Variants in MAP2K4 observed in about 807,000 individuals in gnomAD.
The protein encoded by MAP2K4 is dual specificity mitogen-activated protein kinase kinase 4.
A neutral mutation model predicts 48.5 loss-of-function variants in MAP2K4; 4 were observed. The observed-to-expected ratio is 0.08, with a 90% CI of 0.04 to 0.19. The LOEUF is 0.19. Among genes scored for constraint, MAP2K4 ranks in the 10% least tolerant of loss-of-function variants. MAP2K4 has a pLI of 1.00. For synonymous variants in MAP2K4, 166 were observed against 173.1 expected (o/e 0.96, Z 0.32); for missense variants, 258 against 493.3 (o/e 0.52, Z 4.52).
intron 3 of MAP2K4, among the ~76,000 whole-genome samples, chr17:12,091,850 T>G (rs1971573896): frequency 6.6e-6 from 1 of 152,208 alleles, no homozygotes; most frequent in African/African-American, 2.4e-5. Flanking sequence ...TAATTTTTGT[T>G]TTGATTTTCA....
At chr17:12,071,692 C>T (rs1441083429) in intron 2 of MAP2K4, among the ~76,000 whole-genome samples, 1 of 152,012 alleles carries the variant, frequency 6.6e-6, no homozygotes, top group Non-Finnish European at 1.5e-5. Context: ...AATTACGGCA[C>T]TGGGAAATAT....
intron 2 of MAP2K4, among the ~76,000 whole-genome samples, chr17:12,080,072 A>T (rs1335768575): frequency 7.9e-5 from 12 of 152,240 alleles, no homozygotes. Flanking sequence ...GACCAAGTGT[A>T]TGAATCTTTG....
chr17:12,093,661 T>C (rs754041451), intron 3 of MAP2K4, among the ~76,000 whole-genome samples: 2 of 152,116 alleles, frequency 1.3e-5, no homozygotes, highest in Non-Finnish European at 2.9e-5. Flanking sequence ...TTCATACTAG[T>C]AAAAATAGAA....
At chr17:12,069,490 TTGTA>T (rs1248628472) in intron 2 of MAP2K4, among the ~76,000 whole-genome samples, 3 of 152,208 alleles carry the variant, frequency 2.0e-5, no homozygotes, top group Non-Finnish European at 2.9e-5. Context: ...AAACATTTCT[TTGTA>T]TGTCATAAAT....
intron 7 of MAP2K4, among the ~76,000 whole-genome samples, chr17:12,115,201 T>C (rs888556193): frequency 6.6e-6 from 1 of 152,240 alleles, no homozygotes; most frequent in Non-Finnish European, 1.5e-5. Context: ...TAAATTTTCC[T>C]GTAAACCGAT....
At chr17:12,049,536 A>T (rs1189168817) in intron 1 of MAP2K4, among the ~76,000 whole-genome samples, 1 of 152,116 alleles carries the variant, frequency 6.6e-6, no homozygotes, top group Non-Finnish European at 1.5e-5. Context: ...GCTTGCTTAT[A>T]TGTATTTAGT....
At chr17:12,139,806 C>T (rs1016774087) in intron 9 of MAP2K4, 33 bp from the exon 10 acceptor site, 3 of 1,447,188 alleles carry the variant, frequency 2.1e-6, no homozygotes, top group Admixed American at 1.8e-5. Flanking sequence ...AATGAATCTA[C>T]ATTTTAATAA....
intron 1 of MAP2K4, among the ~76,000 whole-genome samples, chr17:12,050,924 T>C (rs1970121903): frequency 6.6e-6 from 1 of 152,132 alleles, no homozygotes; most frequent in South Asian, 2.1e-4. Context: ...GATTCCATGT[T>C]TGGGAGTGCT....
At chr17:12,044,551 T>A (rs1969897606) in intron 1 of MAP2K4, among the ~76,000 whole-genome samples, 1 of 152,210 alleles carries the variant, frequency 6.6e-6, no homozygotes, top group Non-Finnish European at 1.5e-5. Flanking sequence ...AAGGAAAAAC[T>A]CAAACTTTTT....
At chr17:12,109,671 G>C (rs1016315831) in intron 5 of MAP2K4, among the ~76,000 whole-genome samples, 7 of 152,164 alleles carry the variant, frequency 4.6e-5, no homozygotes, top group African/African-American at 1.7e-4. Flanking sequence ...CACCTTGAAG[G>C]CTTAGCATCC....
chr17:12,088,799 A>G (rs555771569), intron 3 of MAP2K4, among the ~76,000 whole-genome samples: 1 of 151,244 alleles, frequency 6.6e-6, no homozygotes, highest in Admixed American at 6.6e-5. Context: ...AAGGTGGACA[A>G]CTGTCATCAT....
At chr17:12,089,299 C>A (rs1290081234) in intron 3 of MAP2K4, among the ~76,000 whole-genome samples, 1 of 152,130 alleles carries the variant, frequency 6.6e-6, no homozygotes, top group Non-Finnish European at 1.5e-5. Flanking sequence ...TGGGTTTTAG[C>A]TAACCTAGTT....
chr17:12,103,523 A>G (rs963815374), intron 4 of MAP2K4, among the ~76,000 whole-genome samples: 1 of 152,078 alleles, frequency 6.6e-6, no homozygotes, highest in Non-Finnish European at 1.5e-5. Context: ...AACATAGACT[A>G]AATTACAGAG....
rs991060540 is a variant in MAP2K4 at position 12,142,723 on chromosome 17, T to A, written c.*1463T>A. On this transcript the variant is annotated 3_prime_UTR_variant, in exon 11 of 11. Transcript: ENST00000353533. ...AGCAAAACAAAACCCTCAGCACTGT[T>A]ACAAGAGGCCATTTAAGTATCTTGT... 1.3e-5 allele frequency: 3 copies of A among 233,056 alleles called. No homozygotes were observed. Among genetic ancestry groups the A allele is most frequent in the Admixed American group, 5.6e-5 (1 of 17,796 alleles). 14.4% of individuals were successfully genotyped at this position (233,056 alleles called of 1,614,324 possible).
intron 2 of MAP2K4, among the ~76,000 whole-genome samples, chr17:12,080,843 T>C (rs1266145828): frequency 2.0e-5 from 3 of 152,172 alleles, no homozygotes; most frequent in South Asian, 4.1e-4. Context: ...TACCTGGGCA[T>C]TGAGATTTTT....
intron 3 of MAP2K4, among the ~76,000 whole-genome samples, chr17:12,086,856 G>GTTTTA (rs1323571945): frequency 1.6e-4 from 19 of 115,928 alleles, no homozygotes; most frequent in African/African-American, 5.3e-4. Flanking sequence ...GTTTTGTTTT[G>GTTTTA]TTTTGTTTTT....
chr17:12,132,996 A>G (rs757926295), intron 9 of MAP2K4, among the ~76,000 whole-genome samples: 4 of 152,212 alleles, frequency 2.6e-5, no homozygotes, highest in Admixed American at 6.5e-5. Flanking sequence ...AGTTACTTAC[A>G]AAGTTTTTTT....
chr17:12,118,151 G>A (rs996587962), intron 7 of MAP2K4, among the ~76,000 whole-genome samples: 1 of 152,038 alleles, frequency 6.6e-6, no homozygotes, highest in Non-Finnish European at 1.5e-5. Flanking sequence ...TGAAGCAGTG[G>A]AGAAATTCAT....
intron 9 of MAP2K4, among the ~76,000 whole-genome samples, chr17:12,130,842 T>C (rs1234023184): frequency 6.6e-6 from 1 of 152,194 alleles, no homozygotes; most frequent in East Asian, 1.9e-4. Context: ...CCAATATTGA[T>C]TTTCTTATAA....
Sources: allele counts gnomAD v4.1 joint callset (sites outside exome capture counted in the v4.1 genomes callset), GRCh38; gene constraint gnomAD v4.1.1; transcripts MANE v1.5; gene names NCBI Gene and HGNC (gene_info 2026-07-23, HGNC 2026-07-21).